Variants in IMPG1 observed in about 807,000 individuals in gnomAD.
The protein encoded by IMPG1 is interphotoreceptor matrix proteoglycan of 150 kDa.
A neutral mutation model predicts 92.0 loss-of-function variants in IMPG1; 85 were observed. That is an observed-to-expected ratio of 0.92 (90% CI 0.78 to 1.11). The LOEUF is 1.11. Among genes scored for constraint, IMPG1 ranks in the 50% least tolerant of loss-of-function variants. IMPG1 has a pLI of 0.00. For synonymous variants in IMPG1, 367 were observed against 334.1 expected (o/e 1.10, Z -1.08); for missense variants, 1,022 against 956.0 (o/e 1.07, Z -0.91).
intron 1 of IMPG1, among the ~76,000 whole-genome samples, chr6:76,045,506 C>T (rs1052437635): frequency 2.2e-5 from 3 of 137,088 alleles, no homozygotes; most frequent in African/African-American, 8.1e-5. Context: ...GTTTCTGTGA[C>T]ACAAAACCAA....
chr6:76,003,387 A>G (rs1022200950), intron 11 of IMPG1, among the ~76,000 whole-genome samples: 3 of 152,238 alleles, frequency 2.0e-5, no homozygotes, highest in Non-Finnish European at 4.4e-5. Flanking sequence ...TTTAAATTAA[A>G]TACAAAAATT....
intron 14 of IMPG1, chr6:75,934,851 T>C: frequency 4.6e-6 from 2 of 430,564 alleles, no homozygotes; most frequent in Middle Eastern, 3.4e-4. Context: ...CTACTGGCTG[T>C]GTGCTGAGTG....
Position 75,947,321 on chromosome 6 carries a change from A to G in IMPG1, c.2037T>C (p.Ile679=). The change falls in exon 14 of 17, where the codon ATT becomes ATC. Residue 679 remains isoleucine (I), a synonymous_variant. Coordinates refer to ENST00000369950, the MANE Select transcript of IMPG1 (RefSeq NM_001563.4). ...TGGGTTGGATTCTTTTACCTGGTTC[A>G]ATGTTGAGAGAGTAGCTGTCTATTT... is the stretch of plus-strand genomic sequence containing the variant. ...HLEIDSYSLN[I]EPADQADPCK... 6.2e-7 allele frequency: 1 copy of G among 1,612,354 alleles called. No individual in the cohort carries two copies. Among genetic ancestry groups the G allele is most frequent in the Non-Finnish European group, 8.5e-7 (1 of 1,178,426 alleles).
At position 75,922,052 on chromosome 6, in the gene IMPG1, T is replaced by C; in HGVS notation, c.*37A>G. 1.1e-6 allele frequency: 1 copy of C among 911,562 alleles called. No homozygotes were observed. 56.5% of individuals were successfully genotyped at this position (911,562 alleles called of 1,614,324 possible). ...CCTTGAGAAGGCAAATCATCTCTCT[T>C]GAGATAGCCTAAATGATAATTGTAC... On this transcript the variant is annotated 3_prime_UTR_variant, in exon 17 of 17. Coordinates refer to ENST00000369950, the MANE Select transcript of IMPG1 (RefSeq NM_001563.4).
At chr6:75,977,688 C>T (rs1475978273) in intron 12 of IMPG1, among the ~76,000 whole-genome samples, 1 of 151,770 alleles carries the variant, frequency 6.6e-6, no homozygotes, top group Admixed American at 6.6e-5. Flanking sequence ...GGACTAAAGA[C>T]CTATCAGTGC....
At chr6:76,033,592 A>G (rs919249799) in intron 4 of IMPG1, among the ~76,000 whole-genome samples, 8 of 152,212 alleles carry the variant, frequency 5.3e-5, no homozygotes, top group African/African-American at 1.9e-4. Flanking sequence ...AAGGTCCTAG[A>G]CTAGGTTAGT....
chr6:75,946,106 T>G (rs899852058), intron 14 of IMPG1, among the ~76,000 whole-genome samples: 2 of 152,188 alleles, frequency 1.3e-5, no homozygotes, highest in African/African-American at 4.8e-5. Context: ...TCTGAAGTAG[T>G]TTTCCGGGGA....
chr6:75,924,715 TATATAATATAATTATATATAATATATAA>T (rs1781516779), intron 15 of IMPG1, among the ~76,000 whole-genome samples: 1 of 28,154 alleles, frequency 3.6e-5, no homozygotes, highest in African/African-American at 1.1e-4. Flanking sequence ...TAATATATAA[TATATAATATAATTATATATAATATATAA>T]TATATAATAT....
rs148171829 is a variant in IMPG1, at chr6:76,051,536, A to G, written c.68-9410T>C. On this transcript the variant is annotated intron_variant, in intron 1 of 16. Transcript: ENST00000369950. Reference sequence around the variant, plus strand: ...GGCCTTAGAGGCAAAAGTTGTTGGAATAAATGATGCAAAAGAAGATCATAG... The same window carrying G: ...GGCCTTAGAGGCAAAAGTTGTTGGAGTAAATGATGCAAAAGAAGATCATAG... 6.4e-3 allele frequency among the ~76,000 whole-genome samples: 981 copies of G among 152,326 alleles called. 15 individuals are homozygous for G. Among genetic ancestry groups the G allele is most frequent in the African/African-American group, 0.022 (926 of 41,576 alleles).
intron 12 of IMPG1, among the ~76,000 whole-genome samples, chr6:75,964,243 G>A (rs970386372): frequency 4.6e-5 from 7 of 152,160 alleles, no homozygotes; most frequent in African/African-American, 1.7e-4. Flanking sequence ...CTGCTTTCTG[G>A]TTATGGGGGT....
At chr6:75,988,586 A>G (rs948246696) in intron 12 of IMPG1, among the ~76,000 whole-genome samples, 6 of 152,190 alleles carry the variant, frequency 3.9e-5, no homozygotes, top group Non-Finnish European at 7.3e-5. Context: ...CCCTTGGAGC[A>G]ATGTGGAAAT....
chr6:75,963,063 A>G (rs750040079), intron 12 of IMPG1, among the ~76,000 whole-genome samples: 1 of 152,000 alleles, frequency 6.6e-6, no homozygotes, highest in Non-Finnish European at 1.5e-5. Context: ...AAAAAATCAC[A>G]GAAAACATTA....
chr6:76,069,043 T>C (rs1338016653), intron 1 of IMPG1, among the ~76,000 whole-genome samples: 2 of 152,038 alleles, frequency 1.3e-5, no homozygotes, highest in African/African-American at 4.8e-5. Flanking sequence ...AAGATATATA[T>C]AGAATGGAAC....
intron 14 of IMPG1, among the ~76,000 whole-genome samples, chr6:75,944,631 A>AT (rs1781895347): frequency 6.6e-6 from 1 of 152,166 alleles, no homozygotes; most frequent in Non-Finnish European, 1.5e-5. Flanking sequence ...TAAAATTTAG[A>AT]TTTTGTCACT....
At chr6:76,010,523 C>A (rs1783166657) in intron 8 of IMPG1, among the ~76,000 whole-genome samples, 1 of 152,168 alleles carries the variant, frequency 6.6e-6, no homozygotes, top group Non-Finnish European at 1.5e-5. Flanking sequence ...GTTAAACCCT[C>A]TTTAGTGTGG....
At chr6:75,973,806 G>A (rs1166846257) in intron 12 of IMPG1, among the ~76,000 whole-genome samples, 1 of 152,202 alleles carries the variant, frequency 6.6e-6, no homozygotes, top group Non-Finnish European at 1.5e-5. Flanking sequence ...CATGCCAAGT[G>A]CTGCTAAAGA....
intron 12 of IMPG1, among the ~76,000 whole-genome samples, chr6:75,980,291 G>A (rs979062815): frequency 6.6e-6 from 1 of 152,150 alleles, no homozygotes; most frequent in Non-Finnish European, 1.5e-5. Context: ...TTAAACATGA[G>A]GTTTAAAGGT....
chr6:76,030,572 T>A (rs1277081198), intron 4 of IMPG1, among the ~76,000 whole-genome samples: 2 of 152,108 alleles, frequency 1.3e-5, no homozygotes, highest in African/African-American at 2.4e-5. Context: ...TCCCAAGCCT[T>A]AAACTGGTTG....
At chr6:76,037,289 C>T (rs1783757939) in intron 2 of IMPG1, among the ~76,000 whole-genome samples, 1 of 152,146 alleles carries the variant, frequency 6.6e-6, no homozygotes, top group Admixed American at 6.5e-5. Context: ...CATTTACCAG[C>T]AGCAACCTGA....
Sources: allele counts gnomAD v4.1 joint callset (sites outside exome capture counted in the v4.1 genomes callset), GRCh38; gene constraint gnomAD v4.1.1; transcripts MANE v1.5; gene names NCBI Gene and HGNC (gene_info 2026-07-23, HGNC 2026-07-21).